Variants in LRBA observed in about 807,000 individuals in gnomAD.
The protein encoded by LRBA is LPS responsive beige-like anchor protein.
LRBA carries 176 observed loss-of-function variants against 330.0 expected under a neutral mutation model. The observed-to-expected ratio is 0.53, with a 90% CI of 0.47 to 0.60. The LOEUF (loss-of-function observed/expected upper bound fraction) is 0.60. Among genes scored for constraint, LRBA ranks in the 20% least tolerant of loss-of-function variants. The pLI is 0.00. For missense variants in LRBA, 3,259 were observed against 3,444.8 expected, an observed-to-expected ratio of 0.95 and a Z score of 1.35; for synonymous variants, 1,230 against 1,193.0, an observed-to-expected ratio of 1.03 and a Z score of -0.64.
At chr4:150,781,706 G>A (rs1738247215) in intron 34 of LRBA, among the ~76,000 whole-genome samples, 2 of 151,976 alleles carry the variant, frequency 1.3e-5, no homozygotes, top group Admixed American at 6.6e-5. Context: ...TCTCTCTAGT[G>A]GTATTTTATT....
At chr4:150,525,695 C>T (rs1034868026) in intron 40 of LRBA, among the ~76,000 whole-genome samples, 3 of 152,126 alleles carry the variant, frequency 2.0e-5, no homozygotes, top group African/African-American at 7.2e-5. Flanking sequence ...TTTTACAAAA[C>T]ACCAATTATG....
At chr4:150,471,523 C>A in intron 43 of LRBA, 101 bp downstream of exon 43, 1 of 649,616 alleles carries the variant, frequency 1.5e-6, no homozygotes, top group Middle Eastern at 3.2e-4. Flanking sequence ...GTAGCAATAA[C>A]GGCAATAAAA....
chr4:150,556,766 C>G (rs1330383181), intron 40 of LRBA, among the ~76,000 whole-genome samples: 1 of 152,158 alleles, frequency 6.6e-6, no homozygotes, highest in Non-Finnish European at 1.5e-5. Context: ...TGCAATTTGT[C>G]ATTAAATTTA....
At chr4:150,787,129 G>A (rs945772977) in intron 34 of LRBA, among the ~76,000 whole-genome samples, 3 of 152,012 alleles carry the variant, frequency 2.0e-5, no homozygotes, top group Non-Finnish European at 2.9e-5. Flanking sequence ...CTACTGGGGA[G>A]GCTGAGGCGG....
intron 44 of LRBA, among the ~76,000 whole-genome samples, chr4:150,443,874 T>TA (rs1561185911): frequency 1.4e-3 from 38 of 28,024 alleles, no homozygotes; most frequent in African/African-American, 3.5e-3. Context: ...ATATATATAT[T>TA]TTTTTTTTTT....
chr4:150,708,223 T>C (rs567637433), intron 36 of LRBA, among the ~76,000 whole-genome samples: 1 of 151,946 alleles, frequency 6.6e-6, no homozygotes, highest in South Asian at 2.1e-4. Flanking sequence ...CAGCTCCTGC[T>C]ACAATAACTT....
chr4:150,951,879 AT>A (rs1169232422), intron 2 of LRBA, among the ~76,000 whole-genome samples: 1 of 152,132 alleles, frequency 6.6e-6, no homozygotes, highest in Non-Finnish European at 1.5e-5. Context: ...ACAAAGTATG[AT>A]TTTTTTCTTC....
intron 46 of LRBA, among the ~76,000 whole-genome samples, chr4:150,424,887 C>G (rs1749361422): frequency 1.3e-5 from 2 of 152,218 alleles, no homozygotes; most frequent in Admixed American, 6.5e-5. Flanking sequence ...ATATTGCAGT[C>G]TCATCACAAG....
intron 37 of LRBA, among the ~76,000 whole-genome samples, chr4:150,634,851 T>C (rs752434119): frequency 1.3e-4 from 20 of 152,186 alleles, no homozygotes; most frequent in Non-Finnish European, 2.5e-4. Context: ...ACAGAAGCCG[T>C]AGTCTTAAGC....
chr4:150,638,748 G>A (rs945762330), intron 37 of LRBA, among the ~76,000 whole-genome samples: 11 of 131,908 alleles, frequency 8.3e-5, no homozygotes, highest in Non-Finnish European at 1.8e-4. Flanking sequence ...CTTTTACACT[G>A]TTGGTGGGAC....
intron 2 of LRBA, among the ~76,000 whole-genome samples, chr4:151,008,098 G>C (rs1365743245): frequency 7.6e-6 from 1 of 131,712 alleles, no homozygotes; most frequent in African/African-American, 2.8e-5. Context: ...TTTTCTTTTT[G>C]AGACAGAGTT....
At chr4:150,685,013 A>G (rs1168999771) in intron 36 of LRBA, among the ~76,000 whole-genome samples, 1 of 152,124 alleles carries the variant, frequency 6.6e-6, no homozygotes, top group East Asian at 1.9e-4. Flanking sequence ...CAGGTAGGGC[A>G]AAGTTCAAGA....
chr4:151,012,512 T>G (rs1250957335), intron 2 of LRBA, among the ~76,000 whole-genome samples: 3 of 152,216 alleles, frequency 2.0e-5, no homozygotes, highest in African/African-American at 7.2e-5. Flanking sequence ...TTCAAGTCTA[T>G]TTTGAGGTAA....
At chr4:150,456,405 G>T (rs1254218483) in intron 44 of LRBA, among the ~76,000 whole-genome samples, 1 of 152,106 alleles carries the variant, frequency 6.6e-6, no homozygotes, top group Non-Finnish European at 1.5e-5. Flanking sequence ...GCTTTGATTT[G>T]CATTTCTCTG....
At chr4:150,499,762 G>C (rs934428669) in intron 40 of LRBA, among the ~76,000 whole-genome samples, 3 of 151,740 alleles carry the variant, frequency 2.0e-5, no homozygotes, top group Admixed American at 6.6e-5. Flanking sequence ...AAATATATTG[G>C]AATATTTCAC....
At chr4:150,692,324 T>C (rs1015363566) in intron 36 of LRBA, among the ~76,000 whole-genome samples, 1 of 152,144 alleles carries the variant, frequency 6.6e-6, no homozygotes, top group Non-Finnish European at 1.5e-5. Flanking sequence ...GCTCAAGTGA[T>C]CCTGCCACTT....
rs971927178 is a variant in LRBA at position 150,931,149 on chromosome 4, C to T, written c.217-2084G>A. On this transcript the variant is annotated intron_variant, in intron 2 of 56. Transcript: ENST00000651943. ...GTAACTTTTTATTTTGAAATAATTT[C>T]GAACATTCAAAAAAAGTACAGAATT... 4.0e-5 allele frequency among the ~76,000 whole-genome samples: 6 copies of T among 151,830 alleles called. 1 individual carries two copies. Among genetic ancestry groups the T allele is most frequent in the East Asian group, 1.9e-4 (1 of 5,156 alleles).
In LRBA at chr4:150,748,465, G is replaced by A. The variant is rs548201506; in HGVS notation, c.5646-13099C>T. 1.4e-3 allele frequency among the ~76,000 whole-genome samples: 213 copies of A among 152,102 alleles called. 1 individual carries two copies. The South Asian group carries it at 0.016, about 11-fold the overall frequency. ...AGGCAGATCACGAGGTCAGGAGTTC[G>A]AGACCAGCCTGGCCAACATGGTGAA... is the stretch of plus-strand genomic sequence containing the variant. On this transcript the variant is annotated intron_variant, in intron 35 of 56. Coordinates refer to ENST00000651943, the MANE Select transcript of LRBA (RefSeq NM_001364905.1).
intron 47 of LRBA, among the ~76,000 whole-genome samples, chr4:150,356,456 T>C (rs1380937034): frequency 6.6e-6 from 1 of 152,076 alleles, no homozygotes; most frequent in Non-Finnish European, 1.5e-5. Flanking sequence ...TCTGAGTTAC[T>C]TTAGCAAATT....
Sources: allele counts gnomAD v4.1 joint callset (sites outside exome capture counted in the v4.1 genomes callset), GRCh38; gene constraint gnomAD v4.1.1; transcripts MANE v1.5; gene names NCBI Gene and HGNC (gene_info 2026-07-23, HGNC 2026-07-21).